LGMN: variants seen among roughly 807,000 people sequenced by gnomAD.
LGMN encodes asparaginyl endopeptidase.
A neutral mutation model predicts 56.8 loss-of-function variants in LGMN; 36 were observed. The ratio of observed to expected loss-of-function variants is 0.63; its 90% CI spans 0.49 to 0.84. The LOEUF is 0.84. Ranked by LOEUF, LGMN falls within the 40% of genes least tolerant of loss-of-function variation. LGMN has a pLI of 0.00. For synonymous variants in LGMN, 199 were observed against 210.1 expected, an observed-to-expected ratio of 0.95 and a Z score of 0.46; for missense variants, 446 against 556.1, an observed-to-expected ratio of 0.80 and a Z score of 1.99.
intron 2 of LGMN, among the ~76,000 whole-genome samples, chr14:92,722,339 G>A (rs1355060344): frequency 2.0e-5 from 3 of 152,082 alleles, no homozygotes; most frequent in African/African-American, 7.2e-5. Context: ...TGGGAGGCCA[G>A]GGATCCCAGC....
chr14:92,712,697 GGCTGCCCTCA>G (rs1234824069), intron 8 of LGMN, 98 bp downstream of exon 8: 3 of 999,776 alleles, frequency 3.0e-6, no homozygotes, highest in African/African-American at 1.6e-5. Flanking sequence ...CTATGGCCCA[GGCTGCCCTCA>G]GCAGCCCCTG....
At chr14:92,732,922 G>A (rs1566933321) in intron 1 of LGMN, 107 bp from the exon 2 acceptor site, 1 of 805,330 alleles carries the variant, frequency 1.2e-6, no homozygotes, top group Non-Finnish European at 1.9e-6. Flanking sequence ...AGGCCGAGGA[G>A]GGTGGATCAA....
intron 2 of LGMN, among the ~76,000 whole-genome samples, chr14:92,724,588 C>T (rs1173911750): frequency 2.0e-5 from 3 of 152,206 alleles, no homozygotes; most frequent in Non-Finnish European, 4.4e-5. Context: ...CGCATAAGCC[C>T]AGAAAAGTCA....
intron 1 of LGMN, among the ~76,000 whole-genome samples, chr14:92,735,745 G>A (rs955921144): frequency 1.3e-5 from 2 of 152,016 alleles, no homozygotes; most frequent in South Asian, 2.1e-4. Context: ...CCACTGCAAG[G>A]TCAATGGACG....
chr14:92,739,290 A>G (rs550538918), intron 1 of LGMN, among the ~76,000 whole-genome samples: 43 of 152,310 alleles, frequency 2.8e-4, no homozygotes, highest in African/African-American at 1.0e-3. Context: ...TGAAAAACTG[A>G]CAAAAAAGTG....
intron 12 of LGMN, 108 bp from the exon 13 acceptor site, chr14:92,704,815 A>G (rs181565597): frequency 7.0e-6 from 6 of 860,884 alleles, no homozygotes; most frequent in Admixed American, 1.7e-5. Context: ...CTCTTGCCCT[A>G]TTTTGGTTCA....
intron 2 of LGMN, among the ~76,000 whole-genome samples, chr14:92,723,832 A>G (rs1263796017): frequency 6.6e-6 from 1 of 152,114 alleles, no homozygotes; most frequent in African/African-American, 2.4e-5. Context: ...CCAGGGTCCA[A>G]GCGATTCTTG....
intron 2 of LGMN, among the ~76,000 whole-genome samples, chr14:92,720,911 G>C (rs1228493874): frequency 6.8e-6 from 1 of 147,880 alleles, no homozygotes; most frequent in East Asian, 2.0e-4. Context: ...GTTTTTTTTT[G>C]AGACAGGGTC....
At chr14:92,712,109 G>A (rs565645628) in intron 8 of LGMN, among the ~76,000 whole-genome samples, 154 bp from the exon 9 acceptor site, 1 of 152,288 alleles carries the variant, frequency 6.6e-6, no homozygotes, top group South Asian at 2.1e-4. Flanking sequence ...ACCCAGACTT[G>A]TGTATTCGAT....
At chr14:92,733,262 G>C in intron 1 of LGMN, among the ~76,000 whole-genome samples, 1 of 152,026 alleles carries the variant, frequency 6.6e-6, no homozygotes, top group East Asian at 1.9e-4. Flanking sequence ...GAAGATAACA[G>C]AGAGGGTTTC....
intron 10 of LGMN, among the ~76,000 whole-genome samples, 162 bp from the exon 11 acceptor site, chr14:92,710,034 A>G (rs1889676452): frequency 6.6e-6 from 1 of 152,106 alleles, no homozygotes; most frequent in Admixed American, 6.5e-5. Flanking sequence ...TTTACTCCTC[A>G]TGCTTTCAGG....
In LGMN at chr14:92,739,714, CA is replaced by C. The variant is rs1184310696; in HGVS notation, c.-29-6900del. Reference sequence around the variant, plus strand: ...GGGGAAGAAACTATGGAGGTGAGGGCACCAGACCATATATTAGGGCAAACCA... The same window carrying C: ...GGGGAAGAAACTATGGAGGTGAGGGCCCAGACCATATATTAGGGCAAACCA... On this transcript the variant is annotated intron_variant, in intron 1 of 13. Transcript: ENST00000334869. Among the ~76,000 whole-genome samples the C allele has an allele frequency of 2.0e-5, 3 of 152,214 alleles. No individual in the cohort carries two copies. The South Asian group carries it at 6.2e-4, about 32-fold the overall frequency.
Position 92,714,499 on chromosome 14 carries a change from C to A in LGMN, c.405-48G>T. On this transcript the variant is annotated intron_variant, in intron 5 of 13. Coordinates refer to ENST00000334869, the MANE Select transcript of LGMN (RefSeq NM_005606.7). The surrounding 1 kb of genome is among the most constrained non-coding windows in gnomAD (Gnocchi z 5.1). ...CAATCATTTCCTTTTTCTGTTTTTACTTCTATTTCTCTGAAAAGCTGCCCT... is the reference window on the plus strand; with the variant it reads ...CAATCATTTCCTTTTTCTGTTTTTAATTCTATTTCTCTGAAAAGCTGCCCT... 7.4e-7 allele frequency: 1 copy of A among 1,345,572 alleles called. No individual in the cohort carries two copies. The highest frequency in any genetic ancestry group is 1.9e-5 in the Admixed American group (1 of 52,428). The allele number at this position is 1,345,572 out of a possible 1,614,324, so 83.4% of individuals were successfully genotyped here.
chr14:92,741,186 AG>A (rs1421493212), intron 1 of LGMN: 1 of 151,922 alleles, frequency 6.6e-6, no homozygotes, highest in Non-Finnish European at 1.5e-5. Flanking sequence ...GACCCTGTCA[AG>A]AAAAGAAAAA....
chr14:92,719,484 A>C (rs373227380), intron 2 of LGMN, among the ~76,000 whole-genome samples: 196 of 152,256 alleles, frequency 1.3e-3, no homozygotes, highest in African/African-American at 4.5e-3. Flanking sequence ...TTTATTTTTC[A>C]GACTATATAA....
intron 1 of LGMN, among the ~76,000 whole-genome samples, chr14:92,739,545 A>AACTCTTCG (rs1399620432): frequency 6.6e-6 from 1 of 152,106 alleles, no homozygotes; most frequent in Non-Finnish European, 1.5e-5. Context: ...AAACAGACAA[A>AACTCTTCG]ACTCTTCGTG....
intron 10 of LGMN, 80 bp from the exon 11 acceptor site, chr14:92,709,952 G>T (rs1299803561): frequency 3.4e-6 from 4 of 1,184,896 alleles, no homozygotes; most frequent in Non-Finnish European, 4.7e-6. Context: ...GGGAGAGAGA[G>T]AGCTGGTTTG....
chr14:92,719,140 G>GCCA (rs1324637634), intron 2 of LGMN, among the ~76,000 whole-genome samples: 2 of 134,382 alleles, frequency 1.5e-5, no homozygotes, highest in Non-Finnish European at 3.2e-5. Flanking sequence ...CACCGCCACC[G>GCCA]CCACCACCAC....
intron 1 of LGMN, among the ~76,000 whole-genome samples, chr14:92,736,582 C>T (rs1272974526): frequency 2.0e-5 from 3 of 152,050 alleles, no homozygotes; most frequent in African/African-American, 4.8e-5. Flanking sequence ...GGTGACAGAG[C>T]GAGACCCTGT....
Sources: allele counts gnomAD v4.1 joint callset (sites outside exome capture counted in the v4.1 genomes callset), GRCh38; gene constraint gnomAD v4.1.1; non-coding constraint Gnocchi (gnomAD v3.1); transcripts MANE v1.5; gene names NCBI Gene and HGNC (gene_info 2026-07-23, HGNC 2026-07-21).